Variants in BEND5 observed in about 807,000 individuals in gnomAD.
BEND5 encodes the protein BEN domain containing 5, also known as BEN domain-containing protein 5.
In BEND5, 22 loss-of-function variants were observed where a neutral mutation model predicts 43.9. The observed-to-expected ratio is 0.50, with a 90% CI of 0.36 to 0.72. The LOEUF (loss-of-function observed/expected upper bound fraction) is 0.72. Ranked by LOEUF, BEND5 falls within the 30% of genes least tolerant of loss-of-function variation. BEND5 has a pLI of 0.00. For synonymous variants in BEND5, 228 were observed against 225.9 expected, an observed-to-expected ratio of 1.01 and a Z score of -0.08; for missense variants, 428 against 550.6, an observed-to-expected ratio of 0.78 and a Z score of 2.23.
chr1:48,774,507 T>A (rs1644984144), intron 1 of BEND5, among the ~76,000 whole-genome samples: 1 of 152,166 alleles, frequency 6.6e-6, no homozygotes, highest in Non-Finnish European at 1.5e-5. Flanking sequence ...AGAAAAAAAC[T>A]GAAGAGAGGT....
rs796599089 is a variant in BEND5, at chr1:48,736,108, TC to T, written c.1108+130del. The T allele has an allele frequency of 2.7e-5, 27 of 991,852 alleles. No homozygotes were observed. The African/African-American group carries it at 3.9e-4, about 14-fold the overall frequency. The allele number at this position is 991,852 out of a possible 1,614,324, so 61.4% of individuals were successfully genotyped here. On this transcript the variant is annotated intron_variant, in intron 5 of 5. Transcript: ENST00000371833. This position sits in a 1 kb window ranked among gnomAD's most constrained non-coding sequence, Gnocchi z 4.0. ...GGGCATTTGGGTTATCCGCTTGGTG[TC>T]CCCGGGCTCAGCCCAGGGTCTGGCA...
rs1297732695 is a variant in BEND5 at position 48,776,715 on chromosome 1, G to C, written c.117C>G (p.Ala39=). The C allele has an allele frequency of 1.3e-6, 2 of 1,524,872 alleles. No individual in the cohort carries two copies. Among genetic ancestry groups the C allele is most frequent in the East Asian group, 2.7e-5 (1 of 37,422 alleles). The allele number at this position is 1,524,872 out of a possible 1,614,324, so 94.5% of individuals were successfully genotyped here. A position where few individuals can be genotyped will look rare whatever the true frequency, so the allele number is the denominator to read the frequency against. The change falls in exon 1 of 6, where the codon GCC becomes GCG. Residue 39 remains alanine, a synonymous_variant. Transcript: ENST00000371833. ...CCAATTCCTCCGGGCCCCGGTACACGGCGTACACCTTCTGGTTGTCAAAAT... is the reference window on the plus strand; with the variant it reads ...CCAATTCCTCCGGGCCCCGGTACACCGCGTACACCTTCTGGTTGTCAAAAT... ...RLDFDNQKVY[A]VYRGPEELGA...
chr1:48,733,861 A>G (rs1212152616), intron 5 of BEND5, among the ~76,000 whole-genome samples: 2 of 152,242 alleles, frequency 1.3e-5, no homozygotes, highest in Admixed American at 1.3e-4. Flanking sequence ...TGTGCCAGAC[A>G]CTATGTTTGG....
At chr1:48,749,316 C>A (rs988948336) in intron 3 of BEND5, among the ~76,000 whole-genome samples, 2 of 152,068 alleles carry the variant, frequency 1.3e-5, no homozygotes, top group Non-Finnish European at 2.9e-5. Flanking sequence ...ACATAAACAC[C>A]GAGGGGATGT....
At position 48,742,778 on chromosome 1, in the gene BEND5, A is replaced by G; in HGVS notation, c.746-7T>C. On this transcript the variant is annotated splice_polypyrimidine_tract_variant and splice_region_variant and intron_variant, in intron 3 of 5. Transcript: ENST00000371833. ...TCCAGATCAATGGCGGGACCTAGGC[A>G]GTTAAGAAAAGAAATCTGTCTAGAA... The G allele has an allele frequency of 6.4e-7, 1 of 1,554,806 alleles. No homozygotes were observed. The highest frequency in any genetic ancestry group is 8.7e-7 in the Non-Finnish European group (1 of 1,146,668).
At position 48,757,310 on chromosome 1, in the gene BEND5, C is replaced by T. The variant is rs780416325; in HGVS notation, c.745+1590G>A. ...TTATCCCCATCCCCCATCACCACTA[C>T]AAGAACAATACAGCTTTTACAAATT... On this transcript the variant is annotated intron_variant, in intron 3 of 5. Transcript: ENST00000371833. 1.6e-4 allele frequency among the ~76,000 whole-genome samples: 24 copies of T among 152,210 alleles called. 1 individual carries two copies. The highest frequency in any genetic ancestry group is 2.9e-4 in the Non-Finnish European group (20 of 68,032).
At chr1:48,746,552 T>C (rs947106986) in intron 3 of BEND5, among the ~76,000 whole-genome samples, 2 of 152,248 alleles carry the variant, frequency 1.3e-5, no homozygotes, top group Non-Finnish European at 2.9e-5. Flanking sequence ...AATTTCTCAC[T>C]CAGCACCATT....
At chr1:48,748,203 C>T (rs77137423) in intron 3 of BEND5, among the ~76,000 whole-genome samples, 9,911 of 152,218 alleles carry the variant, frequency 0.065, 445 homozygotes, top group Non-Finnish European at 0.096. Context: ...GGGAAGATGC[C>T]TCCGGAGCTG....
chr1:48,742,826 A>G, intron 3 of BEND5, 55 bp from the exon 4 acceptor site: 1 of 1,429,620 alleles, frequency 7.0e-7, no homozygotes, highest in Non-Finnish European at 9.3e-7. Flanking sequence ...TAAAAGGCAA[A>G]TATTTTTAAC....
Position 48,742,628 on chromosome 1 carries a change from C to A in BEND5, c.889G>T (p.Gly297Cys). 6.4e-7 allele frequency: 1 copy of A among 1,558,926 alleles called. No homozygotes were observed. Among genetic ancestry groups the A allele is most frequent in the Non-Finnish European group, 8.7e-7 (1 of 1,148,374 alleles). ...PVMDKYILDN[G>C]KVHLGSGIWV... is the part of the protein sequence containing the mutation. ...TATTGAGCTTAAAACACTACCTTGC[C>A]ATTGTCTAGGATATACTTGTCCATG... The change falls in exon 4 of 6, where the codon GGC becomes TGC. Residue 297 changes from glycine (G) to cysteine (C), a missense_variant. Transcript: ENST00000371833.
intron 5 of BEND5, among the ~76,000 whole-genome samples, chr1:48,734,242 A>G (rs918080034): frequency 6.6e-6 from 1 of 152,214 alleles, no homozygotes; most frequent in African/African-American, 2.4e-5. Context: ...AACAAGCCCC[A>G]GACCAGAGTC....
rs111817958 is a variant in BEND5, at chr1:48,774,228, C to T, written c.226+2378G>A. Among the ~76,000 whole-genome samples, 320 of 152,334 alleles carry T rather than the reference C, an allele frequency of 2.1e-3. 5 individuals carry two copies. Among genetic ancestry groups the T allele is most frequent in the African/African-American group, 7.0e-3 (290 of 41,578 alleles). Reference sequence around the variant, plus strand: ...CCACTTGAGGGGATTCCTCCTCACACCTGGTGCCATAGCACAGTGGTATTT... The same window carrying T: ...CCACTTGAGGGGATTCCTCCTCACATCTGGTGCCATAGCACAGTGGTATTT... On this transcript the variant is annotated intron_variant, in intron 1 of 5. Coordinates refer to ENST00000371833, the MANE Select transcript of BEND5 (RefSeq NM_024603.4).
At chr1:48,748,800 C>T (rs1651183514) in intron 3 of BEND5, among the ~76,000 whole-genome samples, 1 of 151,998 alleles carries the variant, frequency 6.6e-6, no homozygotes, top group Admixed American at 6.6e-5. Flanking sequence ...TGCGCGACAT[C>T]TTGGGGAGGT....
chr1:48,764,959 A>T (rs1323848686), intron 1 of BEND5, among the ~76,000 whole-genome samples: 1 of 152,184 alleles, frequency 6.6e-6, no homozygotes, highest in African/African-American at 2.4e-5. Context: ...GACACTCCCC[A>T]TCTGATGACA....
intron 3 of BEND5, among the ~76,000 whole-genome samples, chr1:48,755,631 G>A (rs12086219): frequency 0.081 from 12,403 of 152,190 alleles, 699 homozygotes; most frequent in East Asian, 0.17. Flanking sequence ...CTTTCTGGTT[G>A]TTCTCTGCCT....
In BEND5 at chr1:48,757,175, C is replaced by A. The variant is rs1020619006; in HGVS notation, c.745+1725G>T. 5.3e-5 allele frequency among the ~76,000 whole-genome samples: 8 copies of A among 152,204 alleles called. No homozygotes were observed. The East Asian group carries it at 1.2e-3, about 22-fold the overall frequency. The stretch of plus-strand genomic sequence containing the variant: ...AAGAATTTCTGTTTTTGGTGTACTT[C>A]CCCACAAGCCCCCAAGAAGTTCATA... On this transcript the variant is annotated intron_variant, in intron 3 of 5. Coordinates refer to ENST00000371833, the MANE Select transcript of BEND5 (RefSeq NM_024603.4).
chr1:48,762,612 TTTTGTGTGTGTGTGTGTG>T (rs1312982067), intron 1 of BEND5, among the ~76,000 whole-genome samples: 41 of 127,966 alleles, frequency 3.2e-4, no homozygotes, highest in South Asian at 9.6e-4. Flanking sequence ...TCTTTAAGGG[TTTTGTGTGTGTGTGTGTG>T]TGTGTGTGTG....
intron 1 of BEND5, among the ~76,000 whole-genome samples, chr1:48,764,728 T>G (rs1644448184): frequency 6.6e-6 from 1 of 152,232 alleles, no homozygotes; most frequent in South Asian, 2.1e-4. Flanking sequence ...GCTACCTCAC[T>G]GAGCATAATT....
intron 5 of BEND5, among the ~76,000 whole-genome samples, chr1:48,733,109 G>T (rs960355341): frequency 3.9e-5 from 6 of 152,132 alleles, no homozygotes; most frequent in Non-Finnish European, 7.4e-5. Context: ...GGTGTAGCTC[G>T]TCTTTCCAGG....
Sources: gnomAD v4.1 joint callset for allele counts (sites outside exome capture counted in the v4.1 genomes callset) on GRCh38, gnomAD v4.1.1 for gene constraint, Gnocchi (gnomAD v3.1) non-coding constraint, MANE v1.5 for transcripts, NCBI Gene and HGNC (gene_info 2026-07-23, HGNC 2026-07-21) for gene names.